MAPK10: variants seen among roughly 807,000 people sequenced by gnomAD.
The protein encoded by MAPK10 is JNK3 alpha protein kinase.
A neutral mutation model predicts 59.3 loss-of-function variants in MAPK10; 25 were observed. The observed-to-expected ratio is 0.42, with a 90% CI of 0.31 to 0.59. The LOEUF is 0.59. Ranked by LOEUF, MAPK10 falls within the 20% of genes least tolerant of loss-of-function variation. The probability of loss-of-function intolerance (pLI) is 0.15; values close to 1 mark genes in which losing one functional copy is unlikely to be tolerated. For missense variants in MAPK10, 351 were observed against 568.9 expected (o/e 0.62, Z 3.90); for synonymous variants, 190 against 200.5 (o/e 0.95, Z 0.44).
chr4:86,184,417 C>A (rs929300028), intron 3 of MAPK10, among the ~76,000 whole-genome samples: 2 of 152,128 alleles, frequency 1.3e-5, no homozygotes, highest in African/African-American at 2.4e-5. Flanking sequence ...CATTTTACAC[C>A]ACAGCAGGAT....
At chr4:86,073,780 C>A (rs1245805251) in intron 9 of MAPK10, among the ~76,000 whole-genome samples, 2 of 105,804 alleles carry the variant, frequency 1.9e-5, no homozygotes, top group Non-Finnish European at 4.0e-5. Context: ...AATTTCTGTT[C>A]TTTTACATTT....
intron 1 of MAPK10, among the ~76,000 whole-genome samples, chr4:86,543,581 A>G (rs986153884): frequency 1.3e-5 from 2 of 152,220 alleles, no homozygotes; most frequent in Non-Finnish European, 2.9e-5. Flanking sequence ...AACCTAAGAG[A>G]AAAAGTAGAA....
chr4:86,550,629 G>A (rs1759702370), intron 1 of MAPK10, among the ~76,000 whole-genome samples: 1 of 152,140 alleles, frequency 6.6e-6, no homozygotes, highest in East Asian at 1.9e-4. Context: ...CTTGAACCTG[G>A]GAGGCAGAGG....
intron 2 of MAPK10, among the ~76,000 whole-genome samples, chr4:86,276,576 A>T (rs1563891512): frequency 6.6e-6 from 1 of 152,170 alleles, no homozygotes; most frequent in Non-Finnish European, 1.5e-5. Context: ...AGTCTAAAAA[A>T]TCACAAGTCA....
At chr4:86,550,366 G>A (rs970022473) in intron 1 of MAPK10, among the ~76,000 whole-genome samples, 2 of 110,558 alleles carry the variant, frequency 1.8e-5, no homozygotes, top group Non-Finnish European at 3.5e-5. Flanking sequence ...GCTAAGCAGA[G>A]CTTCAGTTAA....
At chr4:86,556,601 A>G (rs1039024991) in intron 1 of MAPK10, among the ~76,000 whole-genome samples, 2 of 152,188 alleles carry the variant, frequency 1.3e-5, no homozygotes, top group Non-Finnish European at 2.9e-5. Flanking sequence ...TCTGTCAACT[A>G]AAAGAAATAA....
intron 2 of MAPK10, among the ~76,000 whole-genome samples, chr4:86,282,617 A>C (rs2094850900): frequency 6.6e-6 from 1 of 152,218 alleles, no homozygotes. Flanking sequence ...TTTCCCTGGC[A>C]CCAAGAGGGG....
At chr4:86,083,036 GTGTTAAA>G (rs1278090776) in intron 9 of MAPK10, among the ~76,000 whole-genome samples, 5 of 152,030 alleles carry the variant, frequency 3.3e-5, no homozygotes, top group Admixed American at 2.0e-4. Context: ...TAAAAACAAT[GTGTTAAA>G]CCTTTTTAGG....
chr4:86,233,996 C>T (rs1167770634), intron 2 of MAPK10, among the ~76,000 whole-genome samples: 1 of 152,038 alleles, frequency 6.6e-6, no homozygotes, highest in African/African-American at 2.4e-5. Flanking sequence ...TTCTTCAAAC[C>T]AAGAAGAATG....
chr4:86,227,664 T>C (rs2090891833), intron 2 of MAPK10, among the ~76,000 whole-genome samples: 1 of 152,018 alleles, frequency 6.6e-6, no homozygotes, highest in Non-Finnish European at 1.5e-5. Context: ...ATAATGGCAT[T>C]ACTCACACAG....
chr4:86,476,277 C>T (rs1035771743), intron 1 of MAPK10, among the ~76,000 whole-genome samples: 1 of 152,134 alleles, frequency 6.6e-6, no homozygotes, highest in South Asian at 2.1e-4. Flanking sequence ...TTCTGCTCCC[C>T]CACCCTATAA....
At position 86,149,267 on chromosome 4, in the gene MAPK10, T is replaced by A. The variant is rs112160249; in HGVS notation, c.236+10031A>T. 4.7e-3 allele frequency among the ~76,000 whole-genome samples: 710 copies of A among 152,184 alleles called. 3 individuals are homozygous for A. The highest frequency in any genetic ancestry group is 7.2e-3 in the Non-Finnish European group (492 of 67,984). On this transcript the variant is annotated intron_variant, in intron 4 of 13. Coordinates refer to ENST00000641462, the MANE Select transcript of MAPK10 (RefSeq NM_138982.4). Reference sequence around the variant, plus strand: ...GGCTTTGGATTGGATTTTATTTGTTTATTTATTTATTTATTTTTTGATGGA... The same window carrying A: ...GGCTTTGGATTGGATTTTATTTGTTAATTTATTTATTTATTTTTTGATGGA...
At chr4:86,109,921 T>A (rs2057194480) in intron 4 of MAPK10, among the ~76,000 whole-genome samples, 1 of 152,216 alleles carries the variant, frequency 6.6e-6, no homozygotes, top group South Asian at 2.1e-4. Flanking sequence ...ATTATCACCA[T>A]TGTGAATGAC....
At chr4:86,403,285 C>T (rs780241297) in intron 1 of MAPK10, among the ~76,000 whole-genome samples, 7 of 152,020 alleles carry the variant, frequency 4.6e-5, no homozygotes, top group African/African-American at 1.2e-4. Context: ...GAAGTCAAGG[C>T]GGGAGGATCA....
intron 9 of MAPK10, chr4:86,082,395 TA>T (rs1264809228): frequency 7.2e-5 from 11 of 152,208 alleles, no homozygotes; most frequent in Admixed American, 6.5e-4. Context: ...TCAGCTATGA[TA>T]AAATTCATTA....
intron 3 of MAPK10, among the ~76,000 whole-genome samples, chr4:86,165,529 A>G (rs1268301858): frequency 8.0e-6 from 1 of 125,598 alleles, no homozygotes; most frequent in Non-Finnish European, 1.6e-5. Flanking sequence ...GGCACATGCC[A>G]CCACTCCCAG....
intron 2 of MAPK10, among the ~76,000 whole-genome samples, chr4:86,251,679 G>A (rs1393326202): frequency 7.6e-6 from 1 of 130,978 alleles, no homozygotes; most frequent in Non-Finnish European, 1.6e-5. Context: ...ATAGTCATTT[G>A]GGTATATACC....
intron 1 of MAPK10, among the ~76,000 whole-genome samples, chr4:86,507,615 GATATATATATAT>G (rs767683551): frequency 0.015 from 549 of 35,576 alleles, 16 homozygotes; most frequent in East Asian, 0.023. Context: ...ATAAACTGGA[GATATATATATAT>G]ATATATATAT....
chr4:86,083,501 G>T (rs11097092), intron 9 of MAPK10, among the ~76,000 whole-genome samples: 73,226 of 151,888 alleles, frequency 0.48, 19,066 homozygotes, highest in African/African-American at 0.69. Context: ...AACCAGCCCT[G>T]GCCAGAGGGG....
Sources: gnomAD v4.1 joint callset for allele counts (sites outside exome capture counted in the v4.1 genomes callset) on GRCh38, gnomAD v4.1.1 for gene constraint, MANE v1.5 for transcripts, NCBI Gene and HGNC (gene_info 2026-07-23, HGNC 2026-07-21) for gene names.